FHIP1A: variants seen among roughly 807,000 people sequenced by gnomAD.
FHIP1A encodes the protein FHF complex subunit HOOK interacting protein 1A.
In FHIP1A, 61 loss-of-function variants were observed where a neutral mutation model predicts 88.6. The ratio of observed to expected loss-of-function variants is 0.69; its 90% confidence interval spans 0.56 to 0.85. The LOEUF is 0.85. FHIP1A is among the 40% of genes least tolerant of loss of function. The pLI, the probability that FHIP1A is intolerant of heterozygous loss-of-function variation, is 0.00. For synonymous variants in FHIP1A, 478 were observed against 496.0 expected, an observed-to-expected ratio of 0.96 and a Z score of 0.48; for missense variants, 1,154 against 1,273.5, an observed-to-expected ratio of 0.91 and a Z score of 1.43.
chr4:151,546,356 C>T (rs1732503334), intron 3 of FHIP1A, among the ~76,000 whole-genome samples: 2 of 152,160 alleles, frequency 1.3e-5, no homozygotes, highest in Non-Finnish European at 2.9e-5. Flanking sequence ...TTGGACTGAG[C>T]CACACTACCG....
intron 1 of FHIP1A, among the ~76,000 whole-genome samples, chr4:151,436,953 C>A (rs1236533217): frequency 6.6e-6 from 1 of 152,046 alleles, no homozygotes; most frequent in African/African-American, 2.4e-5. Flanking sequence ...CTAATACAAT[C>A]TAAATACTAT....
At chr4:151,456,722 T>C (rs1728980262) in intron 2 of FHIP1A, among the ~76,000 whole-genome samples, 1 of 151,866 alleles carries the variant, frequency 6.6e-6, no homozygotes, top group Admixed American at 6.6e-5. Flanking sequence ...ATAACTATTG[T>C]TATGCCCTTA....
Position 151,669,903 on chromosome 4 carries a change from A to C in FHIP1A, c.*7149A>C, listed in dbSNP as rs1244471577. 2 of 152,154 alleles carry C rather than the reference A, an allele frequency of 1.3e-5. No homozygotes were observed. The highest frequency in any genetic ancestry group is 4.8e-5 in the African/African-American group (2 of 41,422). 9.4% of individuals were successfully genotyped at this position (152,154 alleles called of 1,614,324 possible). A position where few individuals can be genotyped will look rare whatever the true frequency, so the allele number is the denominator to read the frequency against. On this transcript the variant is annotated 3_prime_UTR_variant, in exon 14 of 14. Transcript: ENST00000435205. ...TCTCATCACTCTCAGGGAAGTCCTG[A>C]GGAACTGTGCAAGCCAGGAAGCATG... is the stretch of plus-strand genomic sequence containing the variant.
Position 151,650,038 on chromosome 4 carries a change from C to T in FHIP1A, c.1997C>T (p.Pro666Leu), listed in dbSNP as rs746649019. The change falls in exon 11 of 14, where the codon CCA becomes CTA. Residue 666 changes from proline (P) to leucine (L), a missense_variant. Pro to Leu is a moderately conservative substitution (Grantham distance 98). Transcript: ENST00000435205. ...MKDSQEEAARPPAEAQAEVQS... is the reference protein window; with the variant it reads ...MKDSQEEAARLPAEAQAEVQS... ...GATTCTCAGGAGGAAGCTGCTAGGC[C>T]ACCAGCTGAAGCCCAGGCTGAAGTT... The T allele has an allele frequency of 5.8e-6, 9 of 1,551,560 alleles. No individual in the cohort carries two copies. Among genetic ancestry groups the T allele is most frequent in the Admixed American group, 2.0e-5 (1 of 50,980 alleles).
intron 13 of FHIP1A, among the ~76,000 whole-genome samples, chr4:151,658,211 G>T (rs777966715): frequency 2.0e-5 from 3 of 152,206 alleles, no homozygotes; most frequent in Non-Finnish European, 4.4e-5. Flanking sequence ...GGCGCATGCT[G>T]CTGCCACCCA....
intron 1 of FHIP1A, among the ~76,000 whole-genome samples, chr4:151,422,511 T>A (rs1733210831): frequency 1.3e-5 from 2 of 152,078 alleles, no homozygotes; most frequent in South Asian, 4.1e-4. Flanking sequence ...CTCAGCCTCC[T>A]TAGTAGCTGG....
At chr4:151,527,090 G>A (rs1731698239) in intron 3 of FHIP1A, among the ~76,000 whole-genome samples, 1 of 152,000 alleles carries the variant, frequency 6.6e-6, no homozygotes, top group Admixed American at 6.5e-5. Context: ...TGGGCGGCCG[G>A]GCAGAGACGC....
rs1733590342 is a variant in FHIP1A at position 151,571,202 on chromosome 4, C to T, written c.105+4838C>T. Among the ~76,000 whole-genome samples the T allele has an allele frequency of 1.3e-5, 2 of 152,198 alleles. 1 individual carries two copies. Among genetic ancestry groups the T allele is most frequent in the South Asian group, 4.1e-4 (2 of 4,828 alleles). ...CATTGAATTCCAAAAGGTCTCTGCT[C>T]TTAGAGCCAGGAGAACAGAGGAGGT... On this transcript the variant is annotated intron_variant, in intron 4 of 13. Transcript: ENST00000435205.
chr4:151,501,486 A>G, intron 3 of FHIP1A, among the ~76,000 whole-genome samples: 1 of 152,052 alleles, frequency 6.6e-6, no homozygotes, highest in Middle Eastern at 3.4e-3. Flanking sequence ...TAATTTTTAA[A>G]TTATGGCCAT....
At position 151,431,777 on chromosome 4, in the gene FHIP1A, T is replaced by C. The variant is rs570982788; in HGVS notation, c.-356+22312T>C. On this transcript the variant is annotated intron_variant, in intron 1 of 13. Transcript: ENST00000435205. Reference sequence around the variant, plus strand: ...ATGTATTGAAATATTCTGACATGAGTTGAACAATTTAAAACTGGTTAAAGA... The same window carrying C: ...ATGTATTGAAATATTCTGACATGAGCTGAACAATTTAAAACTGGTTAAAGA... 2.4e-4 allele frequency among the ~76,000 whole-genome samples: 36 copies of C among 152,312 alleles called. 1 individual carries two copies. The highest frequency in any genetic ancestry group is 2.2e-3 in the Admixed American group (33 of 15,298).
In FHIP1A at chr4:151,473,092, T is replaced by C. The variant is rs376040067; in HGVS notation, c.-247-9432T>C. 1.5e-4 allele frequency among the ~76,000 whole-genome samples: 23 copies of C among 152,284 alleles called. 1 individual carries two copies. The highest frequency in any genetic ancestry group is 1.0e-3 in the Admixed American group (16 of 15,288). ...ATTTTATGTCTCTGTTTTTTGTCGT[T>C]GTTGTTGCTATTATCTCTTGGATGT... On this transcript the variant is annotated intron_variant, in intron 2 of 13. Coordinates refer to ENST00000435205, the MANE Select transcript of FHIP1A (RefSeq NM_001109977.3).
At chr4:151,540,093 G>A (rs1236759220) in intron 3 of FHIP1A, among the ~76,000 whole-genome samples, 1 of 152,158 alleles carries the variant, frequency 6.6e-6, no homozygotes, top group Non-Finnish European at 1.5e-5. Context: ...AATAGCCTTG[G>A]CCTATGTGAA....
At chr4:151,436,898 T>C (rs1728225117) in intron 1 of FHIP1A, among the ~76,000 whole-genome samples, 1 of 152,130 alleles carries the variant, frequency 6.6e-6, no homozygotes, top group African/African-American at 2.4e-5. Context: ...AACCTACACA[T>C]GTCTTACCAT....
chr4:151,546,913 G>A (rs998118063), intron 3 of FHIP1A, among the ~76,000 whole-genome samples: 1 of 152,098 alleles, frequency 6.6e-6, no homozygotes, highest in Admixed American at 6.5e-5. Flanking sequence ...GAGATTGAAG[G>A]TCTCAGGTTC....
At chr4:151,489,882 G>T (rs1257094583) in intron 3 of FHIP1A, among the ~76,000 whole-genome samples, 1 of 151,862 alleles carries the variant, frequency 6.6e-6, no homozygotes, top group Non-Finnish European at 1.5e-5. Flanking sequence ...TCCTCTCCCC[G>T]CCCTAGTAGC....
intron 1 of FHIP1A, among the ~76,000 whole-genome samples, chr4:151,419,568 C>CTTTTTTTTTTTTTTTTTTTTTTTTTT (rs70941499): frequency 4.5e-5 from 1 of 21,984 alleles, no homozygotes; most frequent in African/African-American, 2.2e-4. Flanking sequence ...GTTCCTCATT[C>CTTTTTTTTTTTTTTTTTTTTTTTTTT]TTTTTTTTTT....
At chr4:151,460,329 T>G (rs1729104720) in intron 2 of FHIP1A, among the ~76,000 whole-genome samples, 1 of 152,174 alleles carries the variant, frequency 6.6e-6, no homozygotes, top group South Asian at 2.1e-4. Flanking sequence ...AATGAAGTGT[T>G]TCAGAGCACA....
chr4:151,580,430 A>T (rs528256635), intron 5 of FHIP1A, among the ~76,000 whole-genome samples: 4 of 152,332 alleles, frequency 2.6e-5, no homozygotes, highest in Non-Finnish European at 5.9e-5. Context: ...ACTATTGGTG[A>T]TGCATTGAGA....
intron 5 of FHIP1A, among the ~76,000 whole-genome samples, chr4:151,578,917 A>G (rs1414118969): frequency 1.3e-5 from 2 of 152,204 alleles, no homozygotes. Flanking sequence ...TTTTTCAGCT[A>G]AAAAGAAATG....
Sources: gnomAD v4.1 joint callset for allele counts (sites outside exome capture counted in the v4.1 genomes callset) on GRCh38, gnomAD v4.1.1 for gene constraint, MANE v1.5 for transcripts, NCBI Gene and HGNC (gene_info 2026-07-23, HGNC 2026-07-21) for gene names.